The following ZNF667 variants were observed in gnomAD, a reference collection of about 807,000 sequenced individuals.
ZNF667 encodes the protein zinc finger protein 667, also known as myocardial ischemic preconditioning upregulated 1 ortholog.
Under a neutral mutation model 31.8 loss-of-function variants are expected in ZNF667, and 13 were observed. The ratio of observed to expected loss-of-function variants is 0.41; its 90% CI spans 0.27 to 0.65. The LOEUF is 0.65. ZNF667 is among the 30% of genes least tolerant of loss of function. The pLI, the probability that ZNF667 is intolerant of heterozygous loss-of-function variation, is 0.32. For missense variants in ZNF667, 642 were observed against 725.6 expected, an observed-to-expected ratio of 0.88 and a Z score of 1.32; for synonymous variants, 228 against 247.1, an observed-to-expected ratio of 0.92 and a Z score of 0.73.
At chr19:56,449,830 A>T (rs765689023) in intron 6 of ZNF667, among the ~76,000 whole-genome samples, 1 of 151,994 alleles carries the variant, frequency 6.6e-6, no homozygotes, top group Non-Finnish European at 1.5e-5. Flanking sequence ...GAGCTGAAAA[A>T]TTCAGTTGAC....
intron 3 of ZNF667, among the ~76,000 whole-genome samples, chr19:56,464,429 G>A (rs1271333313): frequency 6.6e-6 from 1 of 152,326 alleles, no homozygotes; most frequent in South Asian, 2.1e-4. Flanking sequence ...GGGAGGCAGA[G>A]GTTGAGGTGG....
chr19:56,459,576 A>C (rs530857606), intron 5 of ZNF667, among the ~76,000 whole-genome samples: 55 of 152,256 alleles, frequency 3.6e-4, no homozygotes, highest in African/African-American at 1.3e-3. Context: ...AAAAACCCCA[A>C]ACTCTTCCCT....
chr19:56,451,868 C>CAAAAAAAAAA lies in ZNF667; in HGVS notation c.253+6277_253+6286dup, dbSNP rs71184363. On this transcript the variant is annotated intron_variant, in intron 6 of 6. Transcript: ENST00000504904. ...TGGGTGACAGAGCAAGACCCTGTCT[C>CAAAAAAAAAA]AAAAAAAAAAAAAAAAAAAAAAAAA... Among the ~76,000 whole-genome samples the CAAAAAAAAAA allele has an allele frequency of 1.1e-3, 89 of 80,924 alleles. 5 individuals carry two copies. Among genetic ancestry groups the CAAAAAAAAAA allele is most frequent in the African/African-American group, 3.7e-3 (69 of 18,664 alleles). The allele number at this position is 80,924 out of a possible 152,430, so 53.1% of individuals were successfully genotyped here.
rs1181107033 is a variant in ZNF667, at chr19:56,460,683, C to T, written c.160+6G>A. On this transcript the variant is annotated splice_donor_region_variant and intron_variant, in intron 5 of 6. Coordinates refer to ENST00000504904, the MANE Select transcript of ZNF667 (RefSeq NM_001321356.2). ...GTTCTGGATTGTGGGGGACGAAGAG[C>T]CTTACCAAGCGAGACCAGGTTCCGG... The T allele has an allele frequency of 6.2e-7, 1 of 1,609,942 alleles. No individual in the cohort carries two copies. Among genetic ancestry groups the T allele is most frequent in the Non-Finnish European group, 8.5e-7 (1 of 1,178,128 alleles).
Position 56,451,842 on chromosome 19 carries a change from C to G in ZNF667, c.253+6313G>C, listed in dbSNP as rs2042828294. On this transcript the variant is annotated intron_variant, in intron 6 of 6. Coordinates refer to ENST00000504904, the MANE Select transcript of ZNF667 (RefSeq NM_001321356.2). The stretch of plus-strand genomic sequence containing the variant: ...TGTGATCGCACCACTGTATTCCAGC[C>G]TGGGTGACAGAGCAAGACCCTGTCT... Among the ~76,000 whole-genome samples, 4 of 128,552 alleles carry G rather than the reference C, an allele frequency of 3.1e-5. No homozygotes were observed. In the South Asian group the frequency reaches 9.9e-4, roughly 32 times the overall value. The allele number at this position is 128,552 out of a possible 152,430, so 84.3% of individuals were successfully genotyped here. A position where few individuals can be genotyped will look rare whatever the true frequency, so the allele number is the denominator to read the frequency against.
intron 6 of ZNF667, among the ~76,000 whole-genome samples, chr19:56,451,852 G>T: frequency 8.7e-6 from 1 of 114,522 alleles, no homozygotes. Context: ...CTGGGTGACA[G>T]AGCAAGACCC....
In ZNF667 at chr19:56,460,628, C is replaced by G. The variant is rs551392674; in HGVS notation, c.160+61G>C. The G allele has an allele frequency of 1.1e-4, 176 of 1,543,942 alleles. 2 individuals are homozygous for G. In the South Asian group the frequency reaches 2.0e-3, roughly 18 times the overall value. On this transcript the variant is annotated intron_variant, in intron 5 of 6. Transcript: ENST00000504904. Reference sequence around the variant, plus strand: ...GTGGCTTCCATTTTCCTGACTAGACCCAGAGTGATGCATGTCCCTCAATAG... The same window carrying G: ...GTGGCTTCCATTTTCCTGACTAGACGCAGAGTGATGCATGTCCCTCAATAG...
chr19:56,450,068 T>G (rs2042789033), intron 6 of ZNF667, among the ~76,000 whole-genome samples: 3 of 151,882 alleles, frequency 2.0e-5, no homozygotes, highest in Admixed American at 2.0e-4. Flanking sequence ...TCCGAGATAG[T>G]AACAGAGAAC....
At chr19:56,451,134 A>G (rs1014660480) in intron 6 of ZNF667, among the ~76,000 whole-genome samples, 3 of 152,100 alleles carry the variant, frequency 2.0e-5, no homozygotes, top group Non-Finnish European at 2.9e-5. Flanking sequence ...AAAGGGAGGG[A>G]AAAAAAATCC....
Position 56,441,929 on chromosome 19 carries a change from T to C in ZNF667, c.1066A>G (p.Lys356Glu), listed in dbSNP as rs1465988037. Reference protein sequence around the residue: ...MLHQRIHTSEKPYKCDKCDKF... With the variant: ...MLHQRIHTSEEPYKCDKCDKF... ...TCACATTTATCACATTTGTACGGTT[T>C]CTCTGAAGTGTGAATTCTCTGGTGA... Residue 356 changes from lysine (K) to glutamate (E), a missense_variant, in exon 7 of 7, where the codon AAA becomes GAA. Lys to Glu is a moderately conservative substitution (Grantham distance 56). Transcript: ENST00000504904. This position sits in a 1 kb window ranked among gnomAD's most constrained non-coding sequence, Gnocchi z 4.2. The C allele has an allele frequency of 1.2e-6, 2 of 1,614,170 alleles. No individual in the cohort carries two copies. Among genetic ancestry groups the C allele is most frequent in the Admixed American group, 3.3e-5 (2 of 60,016 alleles).
intron 6 of ZNF667, among the ~76,000 whole-genome samples, chr19:56,453,567 G>C (rs1476087820): frequency 2.0e-5 from 3 of 152,124 alleles, no homozygotes; most frequent in Non-Finnish European, 2.9e-5. Context: ...TATATAAACA[G>C]AATGAAGGAC....
chr19:56,475,556 T>C (rs551558616), intron 1 of ZNF667: 1 of 152,124 alleles, frequency 6.6e-6, no homozygotes, highest in Non-Finnish European at 1.5e-5. Context: ...CGCGGTGTGC[T>C]ACTGGCCTGG....
chr19:56,475,420 C>G (rs1045941844), intron 1 of ZNF667: 4 of 152,374 alleles, frequency 2.6e-5, no homozygotes, highest in Admixed American at 2.6e-4. Context: ...TCCCTGTCAT[C>G]ATGCCTTCGG....
In ZNF667 at chr19:56,460,740, C is replaced by T. The variant is rs1568448190; in HGVS notation, c.109G>A (p.Asp37Asn). Residue 37 changes from aspartate to asparagine, a missense_variant, in exon 5 of 7, where the codon GAT (aspartate) becomes AAT (asparagine). By Grantham distance (23) the Asp-to-Asn change is conservative. Transcript: ENST00000504904. ...TCCAACATGACATCTTCATACAAAT[C>T]CTTCTGAATGGGGCTCAGCCATTCC... Reference protein sequence around the residue: ...EWEWLSPIQKDLYEDVMLENY... With the variant: ...EWEWLSPIQKNLYEDVMLENY... The T allele has an allele frequency of 1.9e-6, 3 of 1,612,894 alleles. No individual in the cohort carries two copies. Among genetic ancestry groups the T allele is most frequent in the Non-Finnish European group, 2.5e-6 (3 of 1,179,550 alleles).
At chr19:56,460,370 T>C (rs866629007) in intron 5 of ZNF667, among the ~76,000 whole-genome samples, 2 of 152,060 alleles carry the variant, frequency 1.3e-5, no homozygotes, top group African/African-American at 4.8e-5. Flanking sequence ...AGATAGAAAG[T>C]GGACTAGTAG....
At position 56,441,295 on chromosome 19, in the gene ZNF667, C is replaced by A; in HGVS notation, c.1700G>T (p.Gly567Val). 3 of 1,614,184 alleles carry A rather than the reference C, an allele frequency of 1.9e-6. No homozygotes were observed. Among genetic ancestry groups the A allele is most frequent in the Non-Finnish European group, 2.5e-6 (3 of 1,180,032 alleles). The change falls in exon 7 of 7, where the codon GGC becomes GTC. Residue 567 changes from glycine to valine, a missense_variant. Coordinates refer to ENST00000504904, the MANE Select transcript of ZNF667 (RefSeq NM_001321356.2). This position sits in a 1 kb window ranked among gnomAD's most constrained non-coding sequence, Gnocchi z 4.2. The part of the protein sequence containing the change: ...CNECGKAFSS[G>V]SDLIRHQRSH... ...TCTCTGATGTCGAATAAGGTCTGAGCCACTGCTAAATGCCTTCCCACATTC... is the reference window on the plus strand; with the variant it reads ...TCTCTGATGTCGAATAAGGTCTGAGACACTGCTAAATGCCTTCCCACATTC...
chr19:56,452,479 C>T (rs1600417806), intron 6 of ZNF667, among the ~76,000 whole-genome samples: 2 of 152,110 alleles, frequency 1.3e-5, no homozygotes, highest in South Asian at 2.1e-4. Context: ...TAACAATAAA[C>T]GCCTACACCA....
Position 56,471,742 on chromosome 19 carries a change from TA to T in ZNF667, c.-104del, listed in dbSNP as rs1481338047. The T allele has an allele frequency of 6.6e-6, 1 of 152,130 alleles. No homozygotes were observed. The highest frequency in any genetic ancestry group is 1.5e-5 in the Non-Finnish European group (1 of 68,026). 9.4% of individuals were successfully genotyped at this position (152,130 alleles called of 1,614,324 possible). Reference sequence around the variant, plus strand: ...GGCTTTCCCCTTCCAATTACTTAGGTAAAATGACTTGTTCCAGGAAGTTGTA... The same window carrying T: ...GGCTTTCCCCTTCCAATTACTTAGGTAAATGACTTGTTCCAGGAAGTTGTA... On this transcript the variant is annotated 5_prime_UTR_variant, in exon 3 of 7. The change abolishes the stop of an existing upstream ORF in the 5' untranslated region. Transcript: ENST00000504904.
chr19:56,469,533 C>G (rs1178344512), intron 3 of ZNF667, among the ~76,000 whole-genome samples: 1 of 152,164 alleles, frequency 6.6e-6, no homozygotes, highest in Non-Finnish European at 1.5e-5. Context: ...CACCCCCACC[C>G]CCATGCCAGT....
Sources: gnomAD v4.1 joint callset for allele counts (sites outside exome capture counted in the v4.1 genomes callset) on GRCh38, gnomAD v4.1.1 for gene constraint, Gnocchi (gnomAD v3.1) non-coding constraint, MANE v1.5 for transcripts, NCBI Gene and HGNC (gene_info 2026-07-23, HGNC 2026-07-21) for gene names.